GNAQ: variants seen among roughly 807,000 people sequenced by gnomAD.
GNAQ encodes guanine nucleotide-binding protein G(q) subunit alpha.
GNAQ carries 8 observed loss-of-function variants against 43.9 expected under a neutral mutation model. The ratio of observed to expected loss-of-function variants is 0.18; its 90% CI spans 0.11 to 0.33. The LOEUF (loss-of-function observed/expected upper bound fraction) is 0.33. GNAQ is among the 10% of genes least tolerant of loss of function. The pLI is 1.00. For synonymous variants in GNAQ, 155 were observed against 170.7 expected (o/e 0.91, Z 0.71); for missense variants, 158 against 450.8 (o/e 0.35, Z 5.88).
intron 1 of GNAQ, among the ~76,000 whole-genome samples, chr9:78,024,559 G>A (rs1823953161): frequency 6.6e-6 from 1 of 152,138 alleles, no homozygotes; most frequent in African/African-American, 2.4e-5. Flanking sequence ...GTGATCCCCA[G>A]GAAGCTCCTA....
intron 6 of GNAQ, among the ~76,000 whole-genome samples, chr9:77,722,488 T>C (rs1287699136): frequency 6.6e-6 from 1 of 152,030 alleles, no homozygotes; most frequent in East Asian, 1.9e-4. Flanking sequence ...CCAAGAATTC[T>C]CCTAGATGCT....
At chr9:77,876,231 C>G (rs1176932269) in intron 2 of GNAQ, among the ~76,000 whole-genome samples, 2 of 152,190 alleles carry the variant, frequency 1.3e-5, no homozygotes, top group Admixed American at 1.3e-4. Context: ...CTAGATTTCC[C>G]GGAGGAGCTG....
At chr9:78,023,291 A>C (rs1393054763) in intron 1 of GNAQ, among the ~76,000 whole-genome samples, 1 of 152,208 alleles carries the variant, frequency 6.6e-6, no homozygotes, top group African/African-American at 2.4e-5. Flanking sequence ...TGAATGTATT[A>C]AAGCACCCAA....
At chr9:77,978,536 T>C (rs1823330927) in intron 1 of GNAQ, among the ~76,000 whole-genome samples, 1 of 152,198 alleles carries the variant, frequency 6.6e-6, no homozygotes, top group South Asian at 2.1e-4. Flanking sequence ...TCTGTAGTTA[T>C]AATTACATCT....
intron 2 of GNAQ, among the ~76,000 whole-genome samples, chr9:77,884,009 CAA>C (rs1828261081): frequency 6.6e-6 from 1 of 152,134 alleles, no homozygotes; most frequent in Non-Finnish European, 1.5e-5. Flanking sequence ...AGTATGCCCT[CAA>C]AACAGAAATG....
At chr9:77,777,087 C>T (rs752219605) in intron 5 of GNAQ, among the ~76,000 whole-genome samples, 1 of 152,024 alleles carries the variant, frequency 6.6e-6, no homozygotes, top group African/African-American at 2.4e-5. Flanking sequence ...TTTATGTTCA[C>T]GATCACCTGG....
intron 2 of GNAQ, among the ~76,000 whole-genome samples, chr9:77,836,107 G>C (rs762728164): frequency 3.3e-5 from 5 of 152,058 alleles, no homozygotes; most frequent in Non-Finnish European, 7.4e-5. Context: ...GTATACTTAA[G>C]AAACTATGAC....
chr9:77,864,281 C>A (rs1827912903), intron 2 of GNAQ, among the ~76,000 whole-genome samples: 1 of 151,920 alleles, frequency 6.6e-6, no homozygotes, highest in Non-Finnish European at 1.5e-5. Context: ...CTCCCATGAC[C>A]CAAACACCTC....
chr9:77,759,318 G>A (rs1331320985), intron 5 of GNAQ, among the ~76,000 whole-genome samples: 1 of 152,020 alleles, frequency 6.6e-6, no homozygotes, highest in Non-Finnish European at 1.5e-5. Flanking sequence ...TTTCATTTAA[G>A]AATTAGAAAA....
rs1825274661 is a variant in GNAQ, at chr9:77,719,366, G to C, written c.*1957C>G. ...AAGAGAGATGTATGTACAATGATTA[G>C]AGCATTTGTAATTGCACTATACCTA... On this transcript the variant is annotated 3_prime_UTR_variant, in exon 7 of 7. Coordinates refer to ENST00000286548, the MANE Select transcript of GNAQ (RefSeq NM_002072.5). The C allele has an allele frequency of 4.3e-6, 1 of 232,530 alleles. No individual in the cohort carries two copies. Among genetic ancestry groups the C allele is most frequent in the Non-Finnish European group, 8.5e-6 (1 of 117,734 alleles). The allele number at this position is 232,530 out of a possible 1,614,324, so 14.4% of individuals were successfully genotyped here. A position where few individuals can be genotyped will look rare whatever the true frequency, so the allele number is the denominator to read the frequency against.
chr9:77,935,317 T>C lies in GNAQ; in HGVS notation c.137-12972A>G, dbSNP rs981666356. 5.3e-5 allele frequency among the ~76,000 whole-genome samples: 8 copies of C among 152,306 alleles called. No individual in the cohort carries two copies. In the East Asian group the frequency reaches 1.4e-3, roughly 26 times the overall value. On this transcript the variant is annotated intron_variant, in intron 1 of 6. Coordinates refer to ENST00000286548, the MANE Select transcript of GNAQ (RefSeq NM_002072.5). Reference sequence around the variant, plus strand: ...TAGTACCTGCTGGGGGGTCTCATTATTGGCATTAAACCACCCAGCAAGGAC... The same window carrying C: ...TAGTACCTGCTGGGGGGTCTCATTACTGGCATTAAACCACCCAGCAAGGAC...
chr9:77,974,077 C>A (rs1311211105), intron 1 of GNAQ, among the ~76,000 whole-genome samples: 3 of 152,070 alleles, frequency 2.0e-5, no homozygotes, highest in Non-Finnish European at 2.9e-5. Context: ...ATTCATCCAA[C>A]CATTATATTC....
At chr9:77,793,589 T>C (rs1826610500) in intron 5 of GNAQ, among the ~76,000 whole-genome samples, 1 of 152,090 alleles carries the variant, frequency 6.6e-6, no homozygotes, top group African/African-American at 2.4e-5. Flanking sequence ...GATCTCTCAC[T>C]TCCTTCTTTT....
intron 2 of GNAQ, among the ~76,000 whole-genome samples, chr9:77,887,869 C>T (rs1269201765): frequency 6.6e-6 from 1 of 152,176 alleles, no homozygotes; most frequent in Non-Finnish European, 1.5e-5. Flanking sequence ...CACACCCTTT[C>T]AATAAATATT....
intron 2 of GNAQ, among the ~76,000 whole-genome samples, chr9:77,853,442 C>T (rs1003824199): frequency 2.6e-5 from 4 of 152,140 alleles, no homozygotes; most frequent in Admixed American, 6.5e-5. Flanking sequence ...TACCACTGGA[C>T]GAAATTTCAG....
chr9:77,795,620 C>T (rs936529673), intron 4 of GNAQ, among the ~76,000 whole-genome samples: 3 of 152,136 alleles, frequency 2.0e-5, no homozygotes, highest in African/African-American at 7.2e-5. Context: ...CCTAGTAAGG[C>T]ACAGGAGAGA....
In GNAQ at chr9:77,971,880, T is replaced by C. The variant is rs1032957183; in HGVS notation, c.137-49535A>G. On this transcript the variant is annotated intron_variant, in intron 1 of 6. Coordinates refer to ENST00000286548, the MANE Select transcript of GNAQ (RefSeq NM_002072.5). ...TCCTTCACATCCCTTGTAAGTTGTATGTTGTATTCCTAGGTATTTATTCTC... is the reference window on the plus strand; with the variant it reads ...TCCTTCACATCCCTTGTAAGTTGTACGTTGTATTCCTAGGTATTTATTCTC... Among the ~76,000 whole-genome samples, 3 of 152,196 alleles carry C rather than the reference T, an allele frequency of 2.0e-5. 1 individual carries two copies. Among genetic ancestry groups the C allele is most frequent in the Non-Finnish European group, 4.4e-5 (3 of 68,024 alleles).
At chr9:77,756,449 G>A (rs146047031) in intron 5 of GNAQ, among the ~76,000 whole-genome samples, 47 of 152,304 alleles carry the variant, frequency 3.1e-4, no homozygotes, top group African/African-American at 1.1e-3. Context: ...GAGAATTATA[G>A]CCAGAGAAAT....
intron 5 of GNAQ, among the ~76,000 whole-genome samples, chr9:77,763,143 A>AAC (rs200353925): frequency 0.011 from 242 of 21,468 alleles, no homozygotes; most frequent in Middle Eastern, 0.038. Flanking sequence ...CAAACAAACA[A>AAC]AAAAAAAAAA....
Sources: allele counts gnomAD v4.1 joint callset (sites outside exome capture counted in the v4.1 genomes callset), GRCh38; gene constraint gnomAD v4.1.1; transcripts MANE v1.5; gene names NCBI Gene and HGNC (gene_info 2026-07-23, HGNC 2026-07-21).